Variants in YBX3 observed in about 807,000 individuals in gnomAD.
YBX3 encodes the protein Y-box-binding protein 3.
Under a neutral mutation model 42.4 loss-of-function variants are expected in YBX3, and 29 were observed. The observed-to-expected ratio is 0.68, with a 90% CI of 0.51 to 0.93. The LOEUF (loss-of-function observed/expected upper bound fraction) is 0.93, where lower values mean the gene tolerates loss of function less well. YBX3 is among the 40% of genes least tolerant of loss of function. YBX3 has a pLI of 0.00. For synonymous variants in YBX3, 195 were observed against 189.8 expected (o/e 1.03, Z -0.22); for missense variants, 517 against 527.5 (o/e 0.98, Z 0.19).
At chr12:10,721,825 A>T (rs1038835344) in intron 1 of YBX3, 4 of 152,328 alleles carry the variant, frequency 2.6e-5, no homozygotes, top group African/African-American at 7.2e-5. Flanking sequence ...TGTTTATAAG[A>T]GCGAACGATA....
intron 3 of YBX3, among the ~76,000 whole-genome samples, chr12:10,717,409 C>A (rs1948274962): frequency 6.6e-6 from 1 of 152,152 alleles, no homozygotes; most frequent in Non-Finnish European, 1.5e-5. Flanking sequence ...CTTCTCTTAA[C>A]CTATTTTATA....
intron 6 of YBX3, among the ~76,000 whole-genome samples, chr12:10,704,996 T>C (rs1948121775): frequency 6.6e-6 from 1 of 152,218 alleles, no homozygotes; most frequent in African/African-American, 2.4e-5. Flanking sequence ...CAGATCCCAT[T>C]CAAGTTTCAC....
chr12:10,719,821 T>C (rs1948305227), intron 1 of YBX3, among the ~76,000 whole-genome samples: 1 of 152,174 alleles, frequency 6.6e-6, no homozygotes, highest in South Asian at 2.1e-4. Flanking sequence ...ACTTAAGCAT[T>C]TTTCCATAAA....
intron 5 of YBX3, 54 bp from the exon 6 acceptor site, chr12:10,710,168 A>G: frequency 6.3e-7 from 1 of 1,579,716 alleles, no homozygotes; most frequent in Non-Finnish European, 8.6e-7. Flanking sequence ...GGAAAGAACC[A>G]AAGAACACCA....
At chr12:10,718,881 A>C (rs987358487) in intron 2 of YBX3, among the ~76,000 whole-genome samples, 199 bp downstream of exon 2, 9 of 152,334 alleles carry the variant, frequency 5.9e-5, no homozygotes, top group African/African-American at 1.9e-4. Flanking sequence ...AGATTTTATG[A>C]AATAAGTTAT....
intron 8 of YBX3, 73 bp downstream of exon 8, chr12:10,701,887 C>G (rs1209387594): frequency 1.5e-5 from 23 of 1,506,274 alleles, no homozygotes; most frequent in Non-Finnish European, 2.0e-5. Flanking sequence ...GTGATAAAAC[C>G]ACTTTTAGAA....
intron 9 of YBX3, among the ~76,000 whole-genome samples, chr12:10,700,510 A>C (rs771260279): frequency 2.2e-4 from 34 of 152,324 alleles, no homozygotes; most frequent in Middle Eastern, 3.4e-3. Flanking sequence ...CTTTCTGGCT[A>C]TAATTCTATG....
At chr12:10,722,085 T>G (rs1049718299) in intron 1 of YBX3, 2 of 152,198 alleles carry the variant, frequency 1.3e-5, no homozygotes, top group Admixed American at 6.5e-5. Context: ...CCGACAAAGT[T>G]TTTTCAGCTG....
intron 6 of YBX3, 25 bp from the exon 7 acceptor site, chr12:10,704,173 G>C (rs780996817): frequency 6.3e-7 from 1 of 1,595,878 alleles, no homozygotes; most frequent in South Asian, 1.1e-5. Flanking sequence ...AGAGCTGACA[G>C]TGAGTGTCAC....
intron 6 of YBX3, among the ~76,000 whole-genome samples, chr12:10,705,581 A>G (rs190875094): frequency 9.0e-4 from 137 of 152,310 alleles, no homozygotes; most frequent in Non-Finnish European, 1.6e-3. Flanking sequence ...TTGTGCCATT[A>G]CTGATAATGT....
intron 4 of YBX3, 101 bp from the exon 5 acceptor site, chr12:10,713,434 T>C: frequency 7.4e-7 from 1 of 1,355,814 alleles, no homozygotes; most frequent in Non-Finnish European, 9.9e-7. Flanking sequence ...CAGAACATAC[T>C]AAGAATTCCC....
In YBX3 at chr12:10,704,101, T is replaced by A; in HGVS notation, c.828A>T (p.Gln276His). ...EMKDGVPEGA[Q>H]LQGPVHRNPT... ...GATTTCGATGAACCGGTCCCTGAAG[T>A]TGTGCTCCCTCTGGGACTCCATCCT... Residue 276 changes from glutamine (Q) to histidine (H), a missense_variant, in exon 7 of 10, where the codon CAA becomes CAT. This residue lies in a region of YBX3 where 420 missense variants were observed against 408.5 expected (regional missense o/e 1.03). Transcript: ENST00000228251. 15 of 1,614,174 alleles carry A rather than the reference T, an allele frequency of 9.3e-6. No individual in the cohort carries two copies. Among genetic ancestry groups the A allele is most frequent in the Non-Finnish European group, 1.3e-5 (15 of 1,180,024 alleles).
intron 3 of YBX3, 98 bp from the exon 4 acceptor site, chr12:10,715,881 T>C (rs963978431): frequency 1.0e-6 from 1 of 991,346 alleles, no homozygotes; most frequent in Non-Finnish European, 1.6e-6. Context: ...GAAGAAACTG[T>C]TGACCGATTC....
In YBX3 at chr12:10,723,083, G is replaced by A. The variant is rs978751776; in HGVS notation, c.29C>T (p.Thr10Ile). The A allele has an allele frequency of 8.3e-7, 1 of 1,208,164 alleles. No homozygotes were observed. Among genetic ancestry groups the A allele is most frequent in the Middle Eastern group, 3.1e-4 (1 of 3,268 alleles). The allele number at this position is 1,208,164 out of a possible 1,614,324, so 74.8% of individuals were successfully genotyped here. ...AGCCTGCGGGAGGGTGGTGGTGGTG[G>A]TGGTGGTGGCCTCGCCCGCCTCACT... The part of the protein sequence containing the change: MSEAGEATT[T>I]TTTTLPQAPT... Residue 10 changes from threonine to isoleucine, a missense_variant, in exon 1 of 10, where the codon ACC (threonine) becomes ATC (isoleucine). Transcript: ENST00000228251.
Position 10,713,273 on chromosome 12 carries a change from C to A in YBX3, c.511G>T (p.Ala171Ser), listed in dbSNP as rs747930990. The stretch of plus-strand genomic sequence containing the variant: ...CGTCTGTAACGGCGCCGATCTGCAG[C>A]GTAACGACTCCCTTCCACAGGAACT... ...DGVPVEGSRY[A>S]ADRRRYRRGY... Residue 171 changes from alanine (A) to serine (S), a missense_variant, in exon 5 of 10, where the codon GCT (alanine) becomes TCT (serine). Around this residue, in one of 3 missense-constraint regions of YBX3, gnomAD observed 420 missense variants for 408.5 expected, o/e 1.03. Coordinates refer to ENST00000228251, the MANE Select transcript of YBX3 (RefSeq NM_003651.5). 1 of 1,614,066 alleles carries A rather than the reference C, an allele frequency of 6.2e-7. No individual in the cohort carries two copies. Among genetic ancestry groups the A allele is most frequent in the East Asian group, 2.2e-5 (1 of 44,872 alleles).
intron 6 of YBX3, among the ~76,000 whole-genome samples, 171 bp downstream of exon 6, chr12:10,709,737 G>A (rs976787562): frequency 2.6e-5 from 4 of 152,216 alleles, no homozygotes; most frequent in Admixed American, 2.0e-4. Context: ...AAGTGTTACC[G>A]GAATGACTGC....
Position 10,701,540 on chromosome 12 carries a change from C to T in YBX3, c.1054-187G>A, listed in dbSNP as rs372144428. On this transcript the variant is annotated intron_variant, in intron 8 of 9. Transcript: ENST00000228251. ...CCCTGGCATCTCTACCAAAACAAAA[C>T]GAAACCAAAACCTCACAAAAACAAA... is the stretch of plus-strand genomic sequence containing the variant. 9.2e-5 allele frequency among the ~76,000 whole-genome samples: 14 copies of T among 152,210 alleles called. No homozygotes were observed. The South Asian group carries it at 1.7e-3, about 18-fold the overall frequency.
chr12:10,715,883 G>T, intron 3 of YBX3, 100 bp from the exon 4 acceptor site: 3 of 972,710 alleles, frequency 3.1e-6, no homozygotes, highest in South Asian at 1.4e-5. Flanking sequence ...AGAAACTGTT[G>T]ACCGATTCTT....
In YBX3 at chr12:10,723,084, T is replaced by G. The variant is rs1398328700; in HGVS notation, c.28A>C (p.Thr10Pro). ...GCCTGCGGGAGGGTGGTGGTGGTGG[T>G]GGTGGTGGCCTCGCCCGCCTCACTC... MSEAGEATT[T>P]TTTTLPQAPT... Residue 10 changes from threonine to proline, a missense_variant, in exon 1 of 10, where the codon ACC (threonine) becomes CCC (proline). By Grantham distance (38) the Thr-to-Pro change is conservative (BLOSUM62 -1). Transcript: ENST00000228251. 1 of 1,203,572 alleles carries G rather than the reference T, an allele frequency of 8.3e-7. No individual in the cohort carries two copies. 74.6% of individuals were successfully genotyped at this position (1,203,572 alleles called of 1,614,324 possible). A position where few individuals can be genotyped will look rare whatever the true frequency, so the allele number is the denominator to read the frequency against.
Sources: allele counts gnomAD v4.1 joint callset (sites outside exome capture counted in the v4.1 genomes callset), GRCh38; gene constraint gnomAD v4.1.1; regional missense constraint gnomAD v4.1.1; transcripts MANE v1.5; gene names NCBI Gene and HGNC (gene_info 2026-07-23, HGNC 2026-07-21).